RAD54B: variants seen among roughly 807,000 people sequenced by gnomAD.
The protein encoded by RAD54B is DNA repair and recombination protein RAD54B.
Under a neutral mutation model 95.8 loss-of-function variants are expected in RAD54B, and 78 were observed. That is an observed-to-expected ratio of 0.81 (90% CI 0.68 to 0.98). The LOEUF is 0.98. RAD54B is among the 50% of genes least tolerant of loss of function. The probability of loss-of-function intolerance (pLI) is 0.00; values close to 1 mark genes in which losing one functional copy is unlikely to be tolerated. For synonymous variants in RAD54B, 328 were observed against 354.9 expected (o/e 0.92, Z 0.85); for missense variants, 957 against 1,056.6 (o/e 0.91, Z 1.31).
chr8:94,431,293 A>T, intron 3 of RAD54B: 2 of 977,058 alleles, frequency 2.0e-6, no homozygotes, highest in African/African-American at 1.8e-5. Flanking sequence ...CATGTCTTTA[A>T]ATCACACAGC....
intron 2 of RAD54B, among the ~76,000 whole-genome samples, chr8:94,462,799 T>C (rs60894328): frequency 0.038 from 5,779 of 152,242 alleles, 244 homozygotes; most frequent in Admixed American, 0.11. Context: ...GTAAAATAAC[T>C]ATTTAATTTA....
intron 2 of RAD54B, among the ~76,000 whole-genome samples, chr8:94,463,927 AAGAG>A (rs914145075): frequency 5.4e-4 from 81 of 151,360 alleles, no homozygotes; most frequent in Middle Eastern, 3.4e-3. Flanking sequence ...AGAAAGAAAA[AAGAG>A]AGAAACGAAA....
chr8:94,422,653 TAA>T (rs1554606273), intron 3 of RAD54B, among the ~76,000 whole-genome samples: 2 of 86,234 alleles, frequency 2.3e-5, no homozygotes, highest in East Asian at 3.8e-4. Flanking sequence ...TATATATATA[TAA>T]AATTATCAGT....
intron 14 of RAD54B, among the ~76,000 whole-genome samples, chr8:94,377,510 T>C (rs1810611303): frequency 8.4e-6 from 1 of 119,034 alleles, no homozygotes; most frequent in Non-Finnish European, 1.6e-5. Flanking sequence ...CACTCCAGCC[T>C]GGGCAACAGA....
At position 94,428,131 on chromosome 8, in the gene RAD54B, T is replaced by C. The variant is rs190433351; in HGVS notation, c.305-16816A>G. 35 of 895,150 alleles carry C rather than the reference T, an allele frequency of 3.9e-5. No individual in the cohort carries two copies. The Admixed American group carries it at 8.7e-4, about 22-fold the overall frequency. The allele number at this position is 895,150 out of a possible 1,614,324, so 55.5% of individuals were successfully genotyped here. The stretch of plus-strand genomic sequence containing the variant: ...TACATTCATATGGATAAGAGAAAGA[T>C]AGGAAAGTGGCTATCCACTATCTAA... On this transcript the variant is annotated intron_variant, in intron 3 of 14. Transcript: ENST00000336148.
intron 3 of RAD54B, among the ~76,000 whole-genome samples, chr8:94,441,443 T>C (rs1422129946): frequency 2.6e-5 from 4 of 152,112 alleles, no homozygotes; most frequent in Non-Finnish European, 5.9e-5. Flanking sequence ...CGCTTACCAG[T>C]TTATTATAAA....
Position 94,372,220 on chromosome 8 carries a change from T to A in RAD54B, c.2683A>T (p.Asn895Tyr), listed in dbSNP as rs746748423. 1.2e-6 allele frequency: 2 copies of A among 1,611,858 alleles called. No individual in the cohort carries two copies. Among genetic ancestry groups the A allele is most frequent in the African/African-American group, 2.7e-5 (2 of 74,764 alleles). The change falls in exon 15 of 15, where the codon AAT becomes TAT. Residue 895 changes from asparagine (N) to tyrosine (Y), a missense_variant. Asn to Tyr is a moderately radical substitution (Grantham distance 143). Transcript: ENST00000336148. The stretch of plus-strand genomic sequence containing the variant: ...ATATTCTGAAAAATGAATGACACAT[T>A]TTCTGTTATTCTTTCAAGAAAAGGA... ...TDPFLERITENVSFIFQNITT... is the reference protein window; with the variant it reads ...TDPFLERITEYVSFIFQNITT...
intron 3 of RAD54B, among the ~76,000 whole-genome samples, chr8:94,411,700 A>G (rs1390415710): frequency 6.6e-6 from 1 of 152,034 alleles, no homozygotes; most frequent in Non-Finnish European, 1.5e-5. Context: ...TGACAAGCTG[A>G]GGAAAGGCAA....
At chr8:94,412,166 C>A (rs1378813196) in intron 3 of RAD54B, among the ~76,000 whole-genome samples, 1 of 152,114 alleles carries the variant, frequency 6.6e-6, no homozygotes, top group Non-Finnish European at 1.5e-5. Context: ...AGCATAATGT[C>A]CTCCGGGTTT....
intron 8 of RAD54B, among the ~76,000 whole-genome samples, chr8:94,396,927 G>A (rs1415573508): frequency 1.3e-5 from 2 of 152,042 alleles, no homozygotes; most frequent in African/African-American, 2.4e-5. Context: ...GAGGACATAG[G>A]GAGAAGGCAG....
intron 14 of RAD54B, among the ~76,000 whole-genome samples, chr8:94,372,858 G>A (rs1159670229): frequency 2.0e-5 from 3 of 151,958 alleles, no homozygotes; most frequent in Admixed American, 6.6e-5. Flanking sequence ...ATCAATTTAG[G>A]TAAGGTTTTG....
intron 3 of RAD54B, among the ~76,000 whole-genome samples, chr8:94,433,516 A>G (rs1209562546): frequency 6.6e-6 from 1 of 152,106 alleles, no homozygotes; most frequent in Non-Finnish European, 1.5e-5. Flanking sequence ...AGGTTTATTA[A>G]ATTTACACAT....
chr8:94,405,856 G>T (rs1443820719), intron 5 of RAD54B, among the ~76,000 whole-genome samples: 1 of 152,164 alleles, frequency 6.6e-6, no homozygotes, highest in African/African-American at 2.4e-5. Flanking sequence ...CAAATTTTAA[G>T]ATGTTTCTTT....
rs1323717104 is a variant in RAD54B, at chr8:94,411,225, T to C, written c.395A>G (p.Lys132Arg). 1 of 1,612,252 alleles carries C rather than the reference T, an allele frequency of 6.2e-7. No individual in the cohort carries two copies. The highest frequency in any genetic ancestry group is 1.1e-5 in the South Asian group (1 of 90,814). ...LVKYFSVVWC[K>R]PSKKKHKKWE... ...CTTTTTATGTTTTTTCTTTGAAGGCTTACACCAAACAACACTGAAATATTT... is the reference window on the plus strand; with the variant it reads ...CTTTTTATGTTTTTTCTTTGAAGGCCTACACCAAACAACACTGAAATATTT... Residue 132 changes from lysine (K) to arginine (R), a missense_variant, in exon 4 of 15, where the codon AAG (lysine) becomes AGG (arginine). Physicochemically the swap from Lys to Arg is conservative, Grantham distance 26. Coordinates refer to ENST00000336148, the MANE Select transcript of RAD54B (RefSeq NM_012415.3).
chr8:94,454,021 C>T (rs2130168059), intron 3 of RAD54B, among the ~76,000 whole-genome samples: 1 of 152,096 alleles, frequency 6.6e-6, no homozygotes, highest in Non-Finnish European at 1.5e-5. Context: ...GAACTCCTGA[C>T]CTCAGGTCAT....
At chr8:94,391,016 A>G (rs1273965050) in intron 10 of RAD54B, among the ~76,000 whole-genome samples, 2 of 152,140 alleles carry the variant, frequency 1.3e-5, no homozygotes, top group African/African-American at 2.4e-5. Context: ...TGGCACTCAA[A>G]AAGTTTTGAA....
chr8:94,443,360 T>C (rs1321502125), intron 3 of RAD54B, among the ~76,000 whole-genome samples: 1 of 152,148 alleles, frequency 6.6e-6, no homozygotes, highest in African/African-American at 2.4e-5. Flanking sequence ...CTAATGAATG[T>C]TGGCTTAATA....
chr8:94,456,485 A>G (rs2919664), intron 3 of RAD54B, among the ~76,000 whole-genome samples: 47,807 of 152,042 alleles, frequency 0.31, 7,986 homozygotes, highest in East Asian at 0.43. Context: ...GGCATGATAT[A>G]TGCAACTTAT....
chr8:94,465,127 A>G (rs1418110640), intron 2 of RAD54B, among the ~76,000 whole-genome samples: 1 of 152,148 alleles, frequency 6.6e-6, no homozygotes, highest in Non-Finnish European at 1.5e-5. Context: ...ACCTAAATAA[A>G]GCTGTATTTT....
Sources: allele counts gnomAD v4.1 joint callset (sites outside exome capture counted in the v4.1 genomes callset), GRCh38; gene constraint gnomAD v4.1.1; transcripts MANE v1.5; gene names NCBI Gene and HGNC (gene_info 2026-07-23, HGNC 2026-07-21).